Variants in NBAS observed in about 807,000 individuals in gnomAD.
The protein encoded by NBAS is NBAS subunit of NRZ tethering complex.
In NBAS, 219 loss-of-function variants were observed where a neutral mutation model predicts 302.5. The ratio of observed to expected loss-of-function variants is 0.72; its 90% CI spans 0.65 to 0.81. NBAS has a LOEUF of 0.81. NBAS is among the 30% of genes least tolerant of loss of function. NBAS has a pLI of 0.00. For missense variants in NBAS, 2,932 were observed against 2,841.6 expected, an observed-to-expected ratio of 1.03 and a Z score of -0.72; for synonymous variants, 1,118 against 1,021.6, an observed-to-expected ratio of 1.09 and a Z score of -1.80.
chr2:15,035,428 G>T, the NBAS span, among the ~76,000 whole-genome samples: 2 of 152,166 alleles, frequency 1.3e-5, no homozygotes, highest in African/African-American at 2.4e-5. Context: ...GGAAGACAGT[G>T]TGGCAATTCA....
the NBAS span, among the ~76,000 whole-genome samples, chr2:14,913,741 T>C: frequency 6.6e-6 from 1 of 151,452 alleles, no homozygotes; most frequent in South Asian, 2.1e-4. Flanking sequence ...CCATGAAGAG[T>C]GATGAGGGCC....
intron 6 of NBAS, 26 bp from the exon 7 acceptor site, chr2:15,539,382 C>T (rs532002498): frequency 8.1e-6 from 13 of 1,613,910 alleles, no homozygotes; most frequent in African/African-American, 8.0e-5. Context: ...ACAAGAGGTG[C>T]TTCTAACAAT....
At chr2:15,216,077 C>G (rs116157811) in intron 48 of NBAS, among the ~76,000 whole-genome samples, 3 of 152,232 alleles carry the variant, frequency 2.0e-5, no homozygotes, top group African/African-American at 7.2e-5. Flanking sequence ...ATGCACCTGT[C>G]CTTCAAAATA....
intron 35 of NBAS, among the ~76,000 whole-genome samples, chr2:15,347,842 G>T (rs1204650219): frequency 6.6e-6 from 1 of 152,132 alleles, no homozygotes. Context: ...TATGCATTTT[G>T]TTCTATTTAT....
chr2:15,091,282 C>T, the NBAS span, among the ~76,000 whole-genome samples: 2 of 24,422 alleles, frequency 8.2e-5, no homozygotes, highest in African/African-American at 2.2e-4. Flanking sequence ...TGACCTCCTC[C>T]CACTTCATAC....
the NBAS span, chr2:14,907,487 G>A: frequency 6.6e-6 from 1 of 152,246 alleles, no homozygotes; most frequent in Non-Finnish European, 1.5e-5. Context: ...AAGTCAATGA[G>A]GCTAAATAGC....
the NBAS span, among the ~76,000 whole-genome samples, chr2:14,895,731 C>T: frequency 7.5e-6 from 1 of 133,758 alleles, no homozygotes; most frequent in Admixed American, 7.1e-5. Context: ...CAGAGCGAGA[C>T]TCCGTCTCAA....
At chr2:15,515,957 G>A (rs549869023) in intron 9 of NBAS, among the ~76,000 whole-genome samples, 5 of 152,274 alleles carry the variant, frequency 3.3e-5, no homozygotes, top group African/African-American at 1.2e-4. Flanking sequence ...TGTTTCAGCA[G>A]TAAGATATGA....
At chr2:15,477,989 T>C (rs1680261232) in intron 13 of NBAS, among the ~76,000 whole-genome samples, 1 of 111,976 alleles carries the variant, frequency 8.9e-6, no homozygotes. Flanking sequence ...AGCACGCTTC[T>C]AAGCATTGAA....
intron 12 of NBAS, among the ~76,000 whole-genome samples, chr2:15,487,656 G>A (rs1680688655): frequency 6.6e-6 from 1 of 152,214 alleles, no homozygotes; most frequent in African/African-American, 2.4e-5. Context: ...CCAAGTGGAA[G>A]TTCTGCTGCC....
At chr2:15,461,642 G>T (rs1203029245) in intron 20 of NBAS, 45 bp downstream of exon 20, 1 of 1,117,784 alleles carries the variant, frequency 8.9e-7, no homozygotes, top group South Asian at 1.3e-5. Flanking sequence ...AAGATTTAGA[G>T]AGTGTTAATA....
At chr2:15,138,008 C>T in the NBAS span, among the ~76,000 whole-genome samples, 2 of 152,094 alleles carry the variant, frequency 1.3e-5, no homozygotes, top group Non-Finnish European at 2.9e-5. Context: ...CTGCCAGCAC[C>T]ACCAACAGCA....
chr2:14,974,071 T>C, the NBAS span, among the ~76,000 whole-genome samples: 1 of 152,200 alleles, frequency 6.6e-6, no homozygotes, highest in African/African-American at 2.4e-5. Flanking sequence ...TCTTTTTAAT[T>C]CCCATGCATT....
the NBAS span, among the ~76,000 whole-genome samples, chr2:15,009,802 A>C: frequency 2.8e-4 from 43 of 151,594 alleles, 1 homozygote; most frequent in Admixed American, 2.2e-3. Context: ...CCATAGAGCG[A>C]TTCCCCACAG....
At chr2:14,959,810 G>A in the NBAS span, among the ~76,000 whole-genome samples, 2 of 152,114 alleles carry the variant, frequency 1.3e-5, no homozygotes, top group African/African-American at 2.4e-5. Context: ...AATATTCCCT[G>A]AGAAGCATTC....
chr2:14,805,797 C>T, the NBAS span, among the ~76,000 whole-genome samples: 1 of 152,162 alleles, frequency 6.6e-6, no homozygotes, highest in Non-Finnish European at 1.5e-5. Context: ...TTATTGACTG[C>T]CTTTGCCTGT....
At chr2:15,094,004 G>C in the NBAS span, among the ~76,000 whole-genome samples, 6 of 152,164 alleles carry the variant, frequency 3.9e-5, no homozygotes, top group Admixed American at 6.5e-5. Context: ...TTGTTACTAA[G>C]AGACTCAGAA....
At chr2:15,542,059 TCTGCCCGGCCGCCCCTACTGG>T (rs1364419991) in intron 6 of NBAS, among the ~76,000 whole-genome samples, 1 of 84,098 alleles carries the variant, frequency 1.2e-5, no homozygotes, top group African/African-American at 4.3e-5. Context: ...GAGGGGCGCC[TCTGCCCGGCCGCCCCTACTGG>T]GAAGTGAGGA....
chr2:14,904,796 T>G, the NBAS span, among the ~76,000 whole-genome samples: 1 of 152,224 alleles, frequency 6.6e-6, no homozygotes, highest in African/African-American at 2.4e-5. Context: ...AAGCCTGTAA[T>G]CCCAGCACTT....
Sources: gnomAD v4.1 joint callset for allele counts (sites outside exome capture counted in the v4.1 genomes callset) on GRCh38, gnomAD v4.1.1 for gene constraint, MANE v1.5 for transcripts, NCBI Gene and HGNC (gene_info 2026-07-23, HGNC 2026-07-21) for gene names.